KAZN: variants seen among roughly 807,000 people sequenced by gnomAD.
The protein encoded by KAZN is kazrin, periplakin interacting protein.
KAZN carries 40 observed loss-of-function variants against 87.4 expected under a neutral mutation model. The ratio of observed to expected loss-of-function variants is 0.46; its 90% confidence interval spans 0.36 to 0.60. The LOEUF (loss-of-function observed/expected upper bound fraction) is 0.60. Ranked by LOEUF, KAZN falls within the 20% of genes least tolerant of loss-of-function variation. The pLI is 0.00. For synonymous variants in KAZN, 466 were observed against 458.3 expected, an observed-to-expected ratio of 1.02 and a Z score of -0.22; for missense variants, 898 against 1,073.9, an observed-to-expected ratio of 0.84 and a Z score of 2.29.
intron 2 of KAZN, among the ~76,000 whole-genome samples, chr1:14,273,244 A>G (rs1255530022): frequency 6.6e-6 from 1 of 151,960 alleles, no homozygotes; most frequent in African/African-American, 2.4e-5. Flanking sequence ...CCTGGACCCT[A>G]CCTGGAAATC....
chr1:14,110,322 A>G (rs1029398141), intron 1 of KAZN, among the ~76,000 whole-genome samples: 1 of 152,214 alleles, frequency 6.6e-6, no homozygotes, highest in African/African-American at 2.4e-5. Context: ...CAAATCCCTC[A>G]TTACATAAGA....
chr1:13,985,358 A>G (rs989544865), intron 1 of KAZN, among the ~76,000 whole-genome samples: 1 of 151,916 alleles, frequency 6.6e-6, no homozygotes, highest in African/African-American at 2.4e-5. Context: ...CATATACACC[A>G]TGGAATACTA....
chr1:15,025,108 C>T lies in KAZN; in HGVS notation c.419-9641C>T, dbSNP rs77099927. Reference sequence around the variant, plus strand: ...CTTACTATGTGCCAGGCACTGCTGTCGTTGTGGAGGATACAGCAGTGAACA... The same window carrying T: ...CTTACTATGTGCCAGGCACTGCTGTTGTTGTGGAGGATACAGCAGTGAACA... On this transcript the variant is annotated intron_variant, in intron 2 of 14. Coordinates refer to ENST00000376030, the MANE Select transcript of KAZN (RefSeq NM_201628.3). 4.9e-3 allele frequency among the ~76,000 whole-genome samples: 744 copies of T among 152,306 alleles called. 6 individuals are homozygous for T. Among genetic ancestry groups the T allele is most frequent in the Middle Eastern group, 0.02 (6 of 294 alleles).
rs370375596 is a variant in KAZN at position 14,217,060 on chromosome 1, TAACTC to T, written c.249+36471_249+36475del. 3.5e-3 allele frequency among the ~76,000 whole-genome samples: 526 copies of T among 152,266 alleles called. 3 individuals carry two copies. The highest frequency in any genetic ancestry group is 0.012 in the African/African-American group (490 of 41,546). On this transcript the variant is annotated intron_variant, in intron 2 of 16. Coordinates refer to the KAZN transcript ENST00000636203. Reference sequence around the variant, plus strand: ...ATTAAGTAGTAGGACCTTTAATAAATAACTCAATTTAAGGGGGACTATGCTCTTAT... The same window carrying T: ...ATTAAGTAGTAGGACCTTTAATAAATAATTTAAGGGGGACTATGCTCTTAT...
rs544385465 is a variant in KAZN at position 15,040,296 on chromosome 1, C to T, written c.556-3693C>T. ...GATGACTGGAACCCTCAGGTTCCCT[C>T]GCCCACGCAACTGTGCCCGCTTAGT... On this transcript the variant is annotated intron_variant, in intron 3 of 14. Transcript: ENST00000376030. Among the ~76,000 whole-genome samples the T allele has an allele frequency of 3.3e-5, 5 of 152,342 alleles. No individual in the cohort carries two copies. In the East Asian group the frequency reaches 5.8e-4, roughly 18 times the overall value.
At chr1:14,759,166 G>A (rs548906485) in intron 1 of KAZN, among the ~76,000 whole-genome samples, 2 of 152,312 alleles carry the variant, frequency 1.3e-5, no homozygotes, top group Admixed American at 1.3e-4. Context: ...GCACACACAG[G>A]GCAGCCACGG....
chr1:13,899,895 C>T (rs910959445), intron 1 of KAZN, among the ~76,000 whole-genome samples: 28 of 152,110 alleles, frequency 1.8e-4, no homozygotes, highest in South Asian at 4.1e-4. Flanking sequence ...CTGCCTGCCT[C>T]GGCCTCCCAA....
At chr1:14,466,481 C>T (rs902995219) in intron 2 of KAZN, among the ~76,000 whole-genome samples, 3 of 152,014 alleles carry the variant, frequency 2.0e-5, no homozygotes, top group African/African-American at 7.2e-5. Flanking sequence ...ACAACACACA[C>T]TGGGGCCTCT....
At chr1:14,409,888 G>A (rs1039613961) in intron 2 of KAZN, among the ~76,000 whole-genome samples, 1 of 152,026 alleles carries the variant, frequency 6.6e-6, no homozygotes, top group Non-Finnish European at 1.5e-5. Context: ...ACTCTAAGGA[G>A]GAAAGTAGGG....
intron 1 of KAZN, among the ~76,000 whole-genome samples, chr1:14,776,477 C>T (rs1645178369): frequency 1.3e-5 from 2 of 152,216 alleles, no homozygotes; most frequent in Non-Finnish European, 2.9e-5. Context: ...CGCTCTTCAT[C>T]CAGGCTGGAC....
At chr1:14,787,220 A>G (rs765197911) in intron 1 of KAZN, among the ~76,000 whole-genome samples, 3 of 152,228 alleles carry the variant, frequency 2.0e-5, no homozygotes, top group Non-Finnish European at 4.4e-5. Context: ...TGCATTTCAC[A>G]TGTGCTGAAG....
intron 1 of KAZN, among the ~76,000 whole-genome samples, chr1:14,695,536 T>C (rs1300045371): frequency 6.8e-6 from 1 of 146,962 alleles, no homozygotes; most frequent in Admixed American, 6.7e-5. Context: ...GATGGAGTCT[T>C]GCACTGTCAC....
rs560469282 is a variant in KAZN at position 14,109,090 on chromosome 1, C to T, written c.92-71345C>T. Among the ~76,000 whole-genome samples, 20 of 152,276 alleles carry T rather than the reference C, an allele frequency of 1.3e-4. 1 individual carries two copies. The South Asian group carries it at 3.5e-3, about 27-fold the overall frequency. On this transcript the variant is annotated intron_variant, in intron 1 of 16. Transcript: ENST00000636203. ...TTACTTAAGGACCAAAGTCCTGTGTCATAGTAGGAAAGACACCGCATGACA... is the reference window on the plus strand; with the variant it reads ...TTACTTAAGGACCAAAGTCCTGTGTTATAGTAGGAAAGACACCGCATGACA...
At chr1:14,496,181 G>A (rs1387548426) in intron 2 of KAZN, among the ~76,000 whole-genome samples, 1 of 152,138 alleles carries the variant, frequency 6.6e-6, no homozygotes, top group African/African-American at 2.4e-5. Flanking sequence ...CTGGTTTTCA[G>A]TTCACACACA....
At chr1:15,080,140 G>A (rs1185648092) in intron 8 of KAZN, among the ~76,000 whole-genome samples, 2 of 152,138 alleles carry the variant, frequency 1.3e-5, no homozygotes, top group Non-Finnish European at 2.9e-5. Context: ...GATGTCCTCC[G>A]AGGTTGGGAG....
At chr1:14,592,746 G>A (rs973459752) in intron 2 of KAZN, among the ~76,000 whole-genome samples, 1 of 152,214 alleles carries the variant, frequency 6.6e-6, no homozygotes, top group Admixed American at 6.5e-5. Context: ...AGAAGCATGA[G>A]AGTTTCTCAG....
rs1044889776 is a variant in KAZN, at chr1:15,109,805, G to A, written c.2049-2622G>A. Among the ~76,000 whole-genome samples the A allele has an allele frequency of 3.0e-3, 397 of 130,246 alleles. 3 individuals carry two copies. The highest frequency in any genetic ancestry group is 0.011 in the African/African-American group (383 of 35,420). 85.4% of individuals were successfully genotyped at this position (130,246 alleles called of 152,430 possible). ...TATGTGTTTGTGTGTATGTGTATGT[G>A]TGTGTTGTATGTGTATGTATGTGTA... On this transcript the variant is annotated intron_variant, in intron 13 of 14. Coordinates refer to ENST00000376030, the MANE Select transcript of KAZN (RefSeq NM_201628.3).
chr1:14,048,001 A>G (rs907044537), intron 1 of KAZN, among the ~76,000 whole-genome samples: 1 of 152,212 alleles, frequency 6.6e-6, no homozygotes. Flanking sequence ...TTTAATAGAG[A>G]TCTGGGCATC....
At chr1:14,704,654 G>A (rs6699867) in intron 1 of KAZN, among the ~76,000 whole-genome samples, 104,659 of 152,026 alleles carry the variant, frequency 0.69, 36,535 homozygotes, top group African/African-American at 0.8. Flanking sequence ...AAGTCTCCAC[G>A]TCCTGCATCT....
Sources: gnomAD v4.1 joint callset for allele counts (sites outside exome capture counted in the v4.1 genomes callset) on GRCh38, gnomAD v4.1.1 for gene constraint, MANE v1.5 for transcripts, NCBI Gene and HGNC (gene_info 2026-07-23, HGNC 2026-07-21) for gene names.